INPP4B: variants seen among roughly 807,000 people sequenced by gnomAD.
The protein encoded by INPP4B is inositol polyphosphate 4-phosphatase type II.
In INPP4B, 55 loss-of-function variants were observed where a neutral mutation model predicts 122.5. The ratio of observed to expected loss-of-function variants is 0.45; its 90% CI spans 0.36 to 0.56. The LOEUF is 0.56. INPP4B is among the 20% of genes least tolerant of loss of function. The probability of loss-of-function intolerance (pLI) is 0.00; values close to 1 mark genes in which losing one functional copy is unlikely to be tolerated. For synonymous variants in INPP4B, 403 were observed against 388.7 expected (o/e 1.04, Z -0.43); for missense variants, 1,000 against 1,097.7 (o/e 0.91, Z 1.26).
chr4:142,178,029 C>A (rs534944076), intron 15 of INPP4B, among the ~76,000 whole-genome samples: 1 of 152,240 alleles, frequency 6.6e-6, no homozygotes, highest in South Asian at 2.1e-4. Context: ...CATCTCTAGC[C>A]TGGACTTTCC....
chr4:142,193,961 T>C (rs1837118892), intron 14 of INPP4B, among the ~76,000 whole-genome samples: 1 of 152,182 alleles, frequency 6.6e-6, no homozygotes, highest in Admixed American at 6.5e-5. Context: ...AGACAGTGAA[T>C]GCTTTCTTGC....
chr4:142,121,812 C>T (rs1023935809), intron 21 of INPP4B, among the ~76,000 whole-genome samples: 2 of 152,036 alleles, frequency 1.3e-5, no homozygotes. Flanking sequence ...AAAGTAAAAA[C>T]ACCCAGAGCT....
At position 142,826,109 on chromosome 4, in the gene INPP4B, A is replaced by C. The variant is rs1421192056; in HGVS notation, c.-254+20100T>G. Among the ~76,000 whole-genome samples, 4 of 152,266 alleles carry C rather than the reference A, an allele frequency of 2.6e-5. No homozygotes were observed. In the East Asian group the frequency reaches 7.7e-4, roughly 29 times the overall value. On this transcript the variant is annotated intron_variant, in intron 1 of 25. Transcript: ENST00000262992. Reference sequence around the variant, plus strand: ...CAAATAGCTTGAGTAAAATTTACTCAACAAATTCATCCATGAAATATATAC... The same window carrying C: ...CAAATAGCTTGAGTAAAATTTACTCCACAAATTCATCCATGAAATATATAC...
At position 142,414,043 on chromosome 4, in the gene INPP4B, G is replaced by A. The variant is rs144057924; in HGVS notation, c.137-8719C>T. Among the ~76,000 whole-genome samples, 7 of 152,234 alleles carry A rather than the reference G, an allele frequency of 4.6e-5. No homozygotes were observed. In the East Asian group the frequency reaches 1.4e-3, roughly 29 times the overall value. On this transcript the variant is annotated intron_variant, in intron 5 of 25. Coordinates refer to ENST00000262992, the MANE Select transcript of INPP4B (RefSeq NM_001101669.3). The stretch of plus-strand genomic sequence containing the variant: ...AAGAGGGAATTTAAGAGATTTTATT[G>A]TAGAAATATTGCTTTAGAATTCTTG...
At chr4:142,571,154 G>C (rs920456401) in intron 2 of INPP4B, among the ~76,000 whole-genome samples, 4 of 151,028 alleles carry the variant, frequency 2.6e-5, no homozygotes, top group Non-Finnish European at 4.4e-5. Context: ...GAGGAAGAGG[G>C]CCTTGGCACC....
chr4:142,126,229 C>T (rs915347646), intron 18 of INPP4B, among the ~76,000 whole-genome samples: 11 of 151,830 alleles, frequency 7.2e-5, no homozygotes, highest in South Asian at 2.1e-4. Context: ...GTGCATGCTG[C>T]GAAATTAATT....
chr4:142,231,672 C>T (rs1355035814), intron 12 of INPP4B, among the ~76,000 whole-genome samples: 1 of 152,066 alleles, frequency 6.6e-6, no homozygotes, highest in Non-Finnish European at 1.5e-5. Context: ...TCAATCATAG[C>T]AGCCTTTTAA....
chr4:142,701,822 C>T (rs1188773349), intron 2 of INPP4B, among the ~76,000 whole-genome samples: 2 of 152,094 alleles, frequency 1.3e-5, no homozygotes, highest in African/African-American at 4.8e-5. Flanking sequence ...GGTAGGTTGA[C>T]TACACAGGTG....
At chr4:142,421,140 C>T (rs747221032) in intron 5 of INPP4B, among the ~76,000 whole-genome samples, 10 of 152,238 alleles carry the variant, frequency 6.6e-5, no homozygotes, top group African/African-American at 2.4e-4. Flanking sequence ...TAGTTGGAAG[C>T]TATATTGCCT....
chr4:142,609,697 C>A (rs1054861398), intron 2 of INPP4B, among the ~76,000 whole-genome samples: 1 of 152,128 alleles, frequency 6.6e-6, no homozygotes, highest in Non-Finnish European at 1.5e-5. Context: ...TTCCTAAAAA[C>A]CACTTATCTG....
At chr4:142,341,041 CAATT>C (rs888664159) in intron 7 of INPP4B, among the ~76,000 whole-genome samples, 4 of 152,154 alleles carry the variant, frequency 2.6e-5, no homozygotes, top group African/African-American at 4.8e-5. Flanking sequence ...ATGATGATAA[CAATT>C]AAGTTAAACT....
rs144082456 is a variant in INPP4B, at chr4:142,100,618, C to T, written c.2374+7475G>A. On this transcript the variant is annotated intron_variant, in intron 23 of 25. Transcript: ENST00000262992. ...TTTTTTAATTTTACCTCAGTATAGC[C>T]TAGGCTAATATCCTAACTCAATTGT... Among the ~76,000 whole-genome samples the T allele has an allele frequency of 9.7e-4, 147 of 152,244 alleles. 3 individuals are homozygous for T. In the East Asian group the frequency reaches 0.026, roughly 27 times the overall value.
chr4:142,746,027 G>T lies in INPP4B; in HGVS notation c.-253-20126C>A, dbSNP rs573614861. ...CTCAGTAATTAATATAAGAAGAGAT[G>T]AAAAGTCTTTATTCTTTATTTCTTT... On this transcript the variant is annotated intron_variant, in intron 1 of 25. Transcript: ENST00000262992. Among the ~76,000 whole-genome samples the T allele has an allele frequency of 2.2e-4, 33 of 151,916 alleles. 1 individual carries two copies. Among genetic ancestry groups the T allele is most frequent in the Middle Eastern group, 6.8e-3 (2 of 294 alleles).
intron 1 of INPP4B, among the ~76,000 whole-genome samples, chr4:142,749,718 C>A (rs185121188): frequency 6.6e-6 from 1 of 151,862 alleles, no homozygotes; most frequent in African/African-American, 2.4e-5. Flanking sequence ...GAAGAATAAC[C>A]CAGATAAGAT....
intron 14 of INPP4B, among the ~76,000 whole-genome samples, chr4:142,202,324 A>C (rs1282757504): frequency 6.6e-6 from 1 of 152,114 alleles, no homozygotes. Context: ...TCAAAAATGA[A>C]GACACGCTGA....
intron 3 of INPP4B, among the ~76,000 whole-genome samples, chr4:142,451,247 T>G (rs35943151): frequency 1.1e-5 from 1 of 94,312 alleles, no homozygotes; most frequent in African/African-American, 5.0e-5. Flanking sequence ...GTTGCTGTTG[T>G]TTTTTTTTTT....
intron 3 of INPP4B, among the ~76,000 whole-genome samples, chr4:142,451,236 T>C (rs1033111355): frequency 6.6e-6 from 1 of 150,750 alleles, no homozygotes; most frequent in Non-Finnish European, 1.5e-5. Flanking sequence ...TTCCCTTTTT[T>C]GTTGCTGTTG....
chr4:142,431,913 A>G (rs1269172234), intron 3 of INPP4B, among the ~76,000 whole-genome samples: 1 of 152,108 alleles, frequency 6.6e-6, no homozygotes, highest in Non-Finnish European at 1.5e-5. Context: ...CCTCATTATT[A>G]TCCATGGAGT....
At chr4:142,703,892 A>G (rs1393988116) in intron 2 of INPP4B, among the ~76,000 whole-genome samples, 2 of 152,164 alleles carry the variant, frequency 1.3e-5, no homozygotes, top group African/African-American at 2.4e-5. Flanking sequence ...CATTTGGTGC[A>G]CCCCAGTATG....
Sources: gnomAD v4.1 joint callset for allele counts (sites outside exome capture counted in the v4.1 genomes callset) on GRCh38, gnomAD v4.1.1 for gene constraint, MANE v1.5 for transcripts, NCBI Gene and HGNC (gene_info 2026-07-23, HGNC 2026-07-21) for gene names.